The following GALNT18 variants were observed in gnomAD, a reference collection of about 807,000 sequenced individuals.
The protein encoded by GALNT18 is GalNAc-transferase 18.
In GALNT18, 44 loss-of-function variants were observed where a neutral mutation model predicts 69.5. The observed-to-expected ratio is 0.63, with a 90% CI of 0.50 to 0.81. The LOEUF (loss-of-function observed/expected upper bound fraction) is 0.81, where lower values mean the gene tolerates loss of function less well. GALNT18 is among the 40% of genes least tolerant of loss of function. GALNT18 has a pLI of 0.00. For missense variants in GALNT18, 715 were observed against 810.0 expected (o/e 0.88, Z 1.42); for synonymous variants, 364 against 318.2 (o/e 1.14, Z -1.53).
chr11:11,373,113 T>A (rs1185634998), intron 5 of GALNT18, among the ~76,000 whole-genome samples: 1 of 152,162 alleles, frequency 6.6e-6, no homozygotes, highest in African/African-American at 2.4e-5. Context: ...TTGAATTTTA[T>A]CTTCAGGTAA....
chr11:11,456,981 T>A (rs529821367), intron 1 of GALNT18, among the ~76,000 whole-genome samples: 28 of 152,168 alleles, frequency 1.8e-4, no homozygotes, highest in African/African-American at 2.7e-4. Context: ...TTGCAAAGCT[T>A]TGAGCAATGA....
At position 11,494,227 on chromosome 11, in the gene GALNT18, G is replaced by A. The variant is rs1856827406; in HGVS notation, c.236-45291C>T. On this transcript the variant is annotated intron_variant, in intron 1 of 10. Coordinates refer to ENST00000227756, the MANE Select transcript of GALNT18 (RefSeq NM_198516.3). The surrounding 1 kb of genome is among the most constrained non-coding windows in gnomAD (Gnocchi z 5.7). Reference sequence around the variant, plus strand: ...GAGTAGGAGCTAAACACAGGAGGATGAATTCAAGTCTCCAGCAGAAAACAA... The same window carrying A: ...GAGTAGGAGCTAAACACAGGAGGATAAATTCAAGTCTCCAGCAGAAAACAA... 1.3e-5 allele frequency among the ~76,000 whole-genome samples: 2 copies of A among 152,164 alleles called. No homozygotes were observed. The highest frequency in any genetic ancestry group is 1.3e-4 in the Admixed American group (2 of 15,272).
rs1855486723 is a variant in GALNT18, at chr11:11,439,412, G to A, written c.429-6625C>T. Among the ~76,000 whole-genome samples, 1 of 152,188 alleles carries A rather than the reference G, an allele frequency of 6.6e-6. No homozygotes were observed. The highest frequency in any genetic ancestry group is 6.5e-5 in the Admixed American group (1 of 15,286). On this transcript the variant is annotated intron_variant, in intron 2 of 10. Coordinates refer to ENST00000227756, the MANE Select transcript of GALNT18 (RefSeq NM_198516.3). This position sits in a 1 kb window ranked among gnomAD's most constrained non-coding sequence, Gnocchi z 4.4. ...CAACCACCTGTGGTCACCTGCATAGGTTTGGTTCCTTGCTCCCTGAGAACA... is the reference window on the plus strand; with the variant it reads ...CAACCACCTGTGGTCACCTGCATAGATTTGGTTCCTTGCTCCCTGAGAACA...
chr11:11,290,669 C>G (rs1849281169), intron 10 of GALNT18, among the ~76,000 whole-genome samples: 2 of 152,158 alleles, frequency 1.3e-5, no homozygotes, highest in African/African-American at 4.8e-5. Context: ...ACATTCATTC[C>G]CAATTAAGTA....
intron 3 of GALNT18, among the ~76,000 whole-genome samples, chr11:11,409,262 C>T (rs1032028643): frequency 2.0e-5 from 3 of 152,016 alleles, no homozygotes; most frequent in Admixed American, 1.3e-4. Flanking sequence ...GTCAGCAGCT[C>T]AAATCCTGGG....
chr11:11,282,237 A>C (rs1849095640), intron 10 of GALNT18, among the ~76,000 whole-genome samples: 1 of 151,954 alleles, frequency 6.6e-6, no homozygotes, highest in Non-Finnish European at 1.5e-5. Context: ...TTCCTTTCCC[A>C]CACTCAGTGC....
intron 10 of GALNT18, among the ~76,000 whole-genome samples, chr11:11,288,690 A>C (rs891463487): frequency 9.2e-5 from 14 of 152,230 alleles, no homozygotes; most frequent in African/African-American, 3.1e-4. Context: ...AGATGTTTTC[A>C]TCAAATGTGG....
chr11:11,531,923 CGT>C, intron 1 of GALNT18, among the ~76,000 whole-genome samples: 1 of 152,164 alleles, frequency 6.6e-6, no homozygotes. Context: ...TATGGATGCA[CGT>C]GTGTGTGAGT....
chr11:11,462,136 G>C (rs965165652), intron 1 of GALNT18, among the ~76,000 whole-genome samples: 1 of 152,110 alleles, frequency 6.6e-6, no homozygotes, highest in Non-Finnish European at 1.5e-5. Context: ...GCCTGAGATC[G>C]TGCATTTCTA....
chr11:11,350,613 T>A (rs1246789935), intron 6 of GALNT18, among the ~76,000 whole-genome samples: 1 of 152,160 alleles, frequency 6.6e-6, no homozygotes, highest in Non-Finnish European at 1.5e-5. Context: ...TGGGTGCTCC[T>A]CCATATTTCC....
chr11:11,295,379 G>T, intron 9 of GALNT18, among the ~76,000 whole-genome samples: 1 of 152,210 alleles, frequency 6.6e-6, no homozygotes, highest in East Asian at 1.9e-4. Context: ...CCTGAGGAAA[G>T]TAACATGAAG....
rs1450440864 is a variant in GALNT18 at position 11,621,849 on chromosome 11, C to A, written c.-256G>T. On this transcript the variant is annotated 5_prime_UTR_variant, in exon 1 of 11. Transcript: ENST00000227756. This position sits in a 1 kb window ranked among gnomAD's most constrained non-coding sequence, Gnocchi z 9.3. The stretch of plus-strand genomic sequence containing the variant: ...TTTTTCCAAATTAAAAATCCCTGAA[C>A]CCTTCCTAGAGGGGTCACGGGTAGC... 3 of 513,166 alleles carry A rather than the reference C, an allele frequency of 5.8e-6. No homozygotes were observed. The highest frequency in any genetic ancestry group is 1.9e-5 in the African/African-American group (1 of 51,912). The allele number at this position is 513,166 out of a possible 1,614,324, so 31.8% of individuals were successfully genotyped here.
chr11:11,475,579 T>C (rs1339344976), intron 1 of GALNT18: 1 of 152,222 alleles, frequency 6.6e-6, no homozygotes, highest in Non-Finnish European at 1.5e-5. Flanking sequence ...CTTCAAAACT[T>C]GGCCAGAGGC....
At chr11:11,547,310 C>A (rs1858079545) in intron 1 of GALNT18, among the ~76,000 whole-genome samples, 1 of 152,180 alleles carries the variant, frequency 6.6e-6, no homozygotes, top group Admixed American at 6.5e-5. Context: ...GAGGCAGCCA[C>A]AGAGGAGCTC....
chr11:11,451,423 T>C (rs546290677), intron 1 of GALNT18, among the ~76,000 whole-genome samples: 2 of 152,324 alleles, frequency 1.3e-5, no homozygotes, highest in Admixed American at 1.3e-4. Context: ...CTGCATTGCA[T>C]AATAATATAT....
In GALNT18 at chr11:11,341,084, T is replaced by C; in HGVS notation, c.1093-80A>G. The C allele has an allele frequency of 1.4e-6, 2 of 1,393,398 alleles. No homozygotes were observed. The highest frequency in any genetic ancestry group is 2.0e-6 in the Non-Finnish European group (2 of 1,024,492). The allele number at this position is 1,393,398 out of a possible 1,614,324, so 86.3% of individuals were successfully genotyped here. On this transcript the variant is annotated intron_variant, in intron 6 of 10. Coordinates refer to ENST00000227756, the MANE Select transcript of GALNT18 (RefSeq NM_198516.3). This position sits in a 1 kb window ranked among gnomAD's most constrained non-coding sequence, Gnocchi z 6.3. ...CCAGGCCTCAGGCAGCCACTTGACA[T>C]GAGCAGGAAGAAAGTCAGCCCCTTC... is the stretch of plus-strand genomic sequence containing the variant.
Position 11,434,321 on chromosome 11 carries a change from T to C in GALNT18, c.429-1534A>G, listed in dbSNP as rs144788761. ...TAATAAAACCAAGTTAATAGATTGG[T>C]GTAGAATTCCTTTGTTCTTGCATTT... is the stretch of plus-strand genomic sequence containing the variant. On this transcript the variant is annotated intron_variant, in intron 2 of 10. Transcript: ENST00000227756. Among the ~76,000 whole-genome samples the C allele has an allele frequency of 4.7e-4, 71 of 152,292 alleles. 1 individual carries two copies. The highest frequency in any genetic ancestry group is 1.1e-3 in the Admixed American group (17 of 15,302).
In GALNT18 at chr11:11,463,580, T is replaced by A. The variant is rs1358846349; in HGVS notation, c.236-14644A>T. Among the ~76,000 whole-genome samples, 2 of 152,278 alleles carry A rather than the reference T, an allele frequency of 1.3e-5. No homozygotes were observed. The highest frequency in any genetic ancestry group is 3.9e-4 in the East Asian group (2 of 5,170). On this transcript the variant is annotated intron_variant, in intron 1 of 10. Coordinates refer to ENST00000227756, the MANE Select transcript of GALNT18 (RefSeq NM_198516.3). This position sits in a 1 kb window ranked among gnomAD's most constrained non-coding sequence, Gnocchi z 4.2. ...CCAGCAGCTGTCGGCTCACTGGACG[T>A]CTTTTCATTACTGTCCTAAGTCGTA... is the stretch of plus-strand genomic sequence containing the variant.
At chr11:11,295,909 C>T (rs1339207033) in intron 9 of GALNT18, among the ~76,000 whole-genome samples, 3 of 152,056 alleles carry the variant, frequency 2.0e-5, no homozygotes, top group African/African-American at 7.2e-5. Flanking sequence ...CAAAGCTATC[C>T]TGGGCAAGAG....
Sources: allele counts gnomAD v4.1 joint callset (sites outside exome capture counted in the v4.1 genomes callset), GRCh38; gene constraint gnomAD v4.1.1; non-coding constraint Gnocchi (gnomAD v3.1); transcripts MANE v1.5; gene names NCBI Gene and HGNC (gene_info 2026-07-23, HGNC 2026-07-21).